Variants in PTPRN2 observed in about 807,000 individuals in gnomAD.
The protein encoded by PTPRN2 is protein tyrosine phosphatase receptor type N2, also known as receptor-type tyrosine-protein phosphatase N2.
PTPRN2 carries 74 observed loss-of-function variants against 118.8 expected under a neutral mutation model. The observed-to-expected ratio is 0.62, with a 90% confidence interval of 0.52 to 0.76. The LOEUF is 0.76. Ranked by LOEUF, PTPRN2 falls within the 30% of genes least tolerant of loss-of-function variation. PTPRN2 has a pLI of 0.00. For synonymous variants in PTPRN2, 641 were observed against 608.0 expected, an observed-to-expected ratio of 1.05 and a Z score of -0.80; for missense variants, 1,481 against 1,394.4, an observed-to-expected ratio of 1.06 and a Z score of -0.99.
chr7:157,910,529 G>A (rs995376879), intron 11 of PTPRN2, among the ~76,000 whole-genome samples: 7 of 152,172 alleles, frequency 4.6e-5, no homozygotes, highest in Non-Finnish European at 8.8e-5. Context: ...CCAGGATCAC[G>A]CACGTACGCC....
intron 2 of PTPRN2, among the ~76,000 whole-genome samples, chr7:158,350,756 C>T (rs575238927): frequency 1.3e-5 from 2 of 152,266 alleles, no homozygotes; most frequent in East Asian, 1.9e-4. Context: ...AGTGCCTCGC[C>T]TCACCTCACC....
rs369230067 is a variant in PTPRN2, at chr7:158,033,310, C to T, written c.1723+47988G>A. 7.2e-5 allele frequency among the ~76,000 whole-genome samples: 11 copies of T among 152,232 alleles called. No individual in the cohort carries two copies. In the South Asian group the frequency reaches 1.2e-3, roughly 17 times the overall value. Reference sequence around the variant, plus strand: ...GTGGGACGAGAGAATGAGGAAGAAACGAGTCGGTGATTAGCTGGAATGATA... The same window carrying T: ...GTGGGACGAGAGAATGAGGAAGAAATGAGTCGGTGATTAGCTGGAATGATA... On this transcript the variant is annotated intron_variant, in intron 11 of 22. Coordinates refer to ENST00000389418, the MANE Select transcript of PTPRN2 (RefSeq NM_002847.5).
intron 11 of PTPRN2, among the ~76,000 whole-genome samples, chr7:158,059,079 AG>A (rs1810071266): frequency 1.5e-5 from 2 of 131,996 alleles, no homozygotes; most frequent in Non-Finnish European, 1.5e-5. Flanking sequence ...ACATCACTGC[AG>A]CCACACTCCA....
At chr7:158,121,480 C>T (rs992486063) in intron 9 of PTPRN2, among the ~76,000 whole-genome samples, 5 of 152,210 alleles carry the variant, frequency 3.3e-5, no homozygotes, top group African/African-American at 1.2e-4. Context: ...TTGTTTCTTC[C>T]AAGCCTACTG....
intron 12 of PTPRN2, among the ~76,000 whole-genome samples, chr7:157,790,439 G>C (rs1804415031): frequency 6.6e-6 from 1 of 152,040 alleles, no homozygotes; most frequent in African/African-American, 2.4e-5. Flanking sequence ...GGGCGCTCCT[G>C]CAGGTATTAA....
intron 12 of PTPRN2, among the ~76,000 whole-genome samples, chr7:157,739,929 T>C (rs1333870343): frequency 6.6e-6 from 1 of 152,238 alleles, no homozygotes; most frequent in Non-Finnish European, 1.5e-5. Flanking sequence ...CTCTGACCTC[T>C]TCCTCTTCCA....
In PTPRN2 at chr7:157,680,178, T is replaced by G. The variant is rs576236164; in HGVS notation, c.2001+2547A>C. 2.0e-5 allele frequency among the ~76,000 whole-genome samples: 3 copies of G among 152,352 alleles called. No individual in the cohort carries two copies. In the East Asian group the frequency reaches 5.8e-4, roughly 29 times the overall value. On this transcript the variant is annotated intron_variant, in intron 13 of 22. Coordinates refer to ENST00000389418, the MANE Select transcript of PTPRN2 (RefSeq NM_002847.5). ...AGCTTTAAGACAATGAATTGAGTAG[T>G]TCCAGCATGTCCCCATGAAATAAAG...
At chr7:157,576,837 C>A in intron 18 of PTPRN2, 58 bp from the exon 19 acceptor site, 8 of 1,468,908 alleles carry the variant, frequency 5.4e-6, no homozygotes, top group Non-Finnish European at 7.4e-6. Flanking sequence ...GTGAACCGAA[C>A]CTCAGGCACT....
At chr7:157,637,035 T>C (rs1052307610) in intron 14 of PTPRN2, among the ~76,000 whole-genome samples, 1 of 152,240 alleles carries the variant, frequency 6.6e-6, no homozygotes, top group African/African-American at 2.4e-5. Context: ...TTGAACAATA[T>C]GAACAAATGT....
At chr7:158,423,831 A>G (rs780676042) in intron 2 of PTPRN2, among the ~76,000 whole-genome samples, 12 of 152,156 alleles carry the variant, frequency 7.9e-5, no homozygotes, top group Admixed American at 3.3e-4. Context: ...TAGATGAGGA[A>G]AGAGAAACTG....
chr7:158,146,275 CA>C (rs887211914), intron 6 of PTPRN2, among the ~76,000 whole-genome samples: 30 of 152,182 alleles, frequency 2.0e-4, no homozygotes, highest in African/African-American at 7.2e-4. Context: ...AAATATTAAC[CA>C]AAATGTTAAC....
At chr7:158,297,915 T>G (rs1800612039) in intron 3 of PTPRN2, among the ~76,000 whole-genome samples, 1 of 152,244 alleles carries the variant, frequency 6.6e-6, no homozygotes, top group Non-Finnish European at 1.5e-5. Context: ...GGAATGCATG[T>G]TTTAATGAAT....
intron 2 of PTPRN2, among the ~76,000 whole-genome samples, chr7:158,391,111 G>A (rs1026234526): frequency 1.3e-5 from 2 of 152,212 alleles, no homozygotes; most frequent in African/African-American, 4.8e-5. Context: ...CATGTTTCAC[G>A]TTCAGATGTA....
chr7:158,484,143 TAAAAA>T (rs202199223), intron 2 of PTPRN2, among the ~76,000 whole-genome samples: 1 of 151,598 alleles, frequency 6.6e-6, no homozygotes, highest in Non-Finnish European at 1.5e-5. Flanking sequence ...GTGCTTGTCT[TAAAAA>T]AAACAAAAAA....
intron 11 of PTPRN2, among the ~76,000 whole-genome samples, chr7:157,901,928 CGTCCGTGTTTCCTGGGTCCTG>C (rs1178345179): frequency 2.5e-4 from 34 of 137,734 alleles, no homozygotes; most frequent in Non-Finnish European, 4.0e-4. Flanking sequence ...GGGGCCTTCC[CGTCCGTGTTTCCTGGGTCCTG>C]AGGCGGGGCC....
At chr7:158,540,486 G>T (rs914872309) in intron 1 of PTPRN2, among the ~76,000 whole-genome samples, 3 of 152,024 alleles carry the variant, frequency 2.0e-5, no homozygotes, top group African/African-American at 4.8e-5. Context: ...GCAATGAGGA[G>T]CCCAGGCTGG....
intron 11 of PTPRN2, chr7:158,030,113 G>A (rs914766267): frequency 6.6e-6 from 1 of 152,282 alleles, no homozygotes; most frequent in Middle Eastern, 3.2e-3. Flanking sequence ...GGGTCCCAGT[G>A]GAAAGCACGG....
At position 158,563,668 on chromosome 7, in the gene PTPRN2, C is replaced by T. The variant is rs1827513683; in HGVS notation, c.112+23890G>A. Among the ~76,000 whole-genome samples the T allele has an allele frequency of 3.9e-5, 6 of 152,228 alleles. No individual in the cohort carries two copies. The South Asian group carries it at 1.2e-3, about 32-fold the overall frequency. ...GCTCAGGGCACACCCTCTGCAGAGACTCACAGGCATGTGGCGTGGCAGTAC... is the reference window on the plus strand; with the variant it reads ...GCTCAGGGCACACCCTCTGCAGAGATTCACAGGCATGTGGCGTGGCAGTAC... On this transcript the variant is annotated intron_variant, in intron 1 of 22. Transcript: ENST00000389418. The surrounding 1 kb of genome is among the most constrained non-coding windows in gnomAD (Gnocchi z 5.1).
chr7:157,967,514 T>G (rs1240407570), intron 11 of PTPRN2, among the ~76,000 whole-genome samples: 1 of 152,116 alleles, frequency 6.6e-6, no homozygotes, highest in Non-Finnish European at 1.5e-5. Flanking sequence ...ATGAGTTTCT[T>G]CTGTTTGTTG....
Sources: gnomAD v4.1 joint callset for allele counts (sites outside exome capture counted in the v4.1 genomes callset) on GRCh38, gnomAD v4.1.1 for gene constraint, Gnocchi (gnomAD v3.1) non-coding constraint, MANE v1.5 for transcripts, NCBI Gene and HGNC (gene_info 2026-07-23, HGNC 2026-07-21) for gene names.